KIF6: variants seen among roughly 807,000 people sequenced by gnomAD.
The protein encoded by KIF6 is kinesin family member 6.
KIF6 carries 106 observed loss-of-function variants against 112.7 expected under a neutral mutation model. That is an observed-to-expected ratio of 0.94 (90% CI 0.80 to 1.11). The LOEUF (loss-of-function observed/expected upper bound fraction) is 1.11, where lower values mean the gene tolerates loss of function less well. Among genes scored for constraint, KIF6 ranks in the 50% least tolerant of loss-of-function variants. The pLI is 0.00. For missense variants in KIF6, 929 were observed against 964.0 expected, an observed-to-expected ratio of 0.96 and a Z score of 0.48; for synonymous variants, 339 against 339.9, an observed-to-expected ratio of 1.00 and a Z score of 0.03.
chr6:39,450,722 C>T (rs1772643709), intron 13 of KIF6, among the ~76,000 whole-genome samples: 1 of 152,126 alleles, frequency 6.6e-6, no homozygotes, highest in East Asian at 1.9e-4. Flanking sequence ...GGAAGATTGC[C>T]TGAGCCCGGG....
At chr6:39,677,660 C>G (rs1006018062) in intron 3 of KIF6, among the ~76,000 whole-genome samples, 1 of 135,450 alleles carries the variant, frequency 7.4e-6, no homozygotes, top group Non-Finnish European at 1.6e-5. Context: ...TTAGGTATAT[C>G]TCCCAATGCT....
At chr6:39,563,332 T>G (rs947190949) in intron 10 of KIF6, among the ~76,000 whole-genome samples, 1 of 152,178 alleles carries the variant, frequency 6.6e-6, no homozygotes, top group Admixed American at 6.5e-5. Flanking sequence ...TTTCCAGACT[T>G]GTTTGTAAAC....
chr6:39,656,302 G>A (rs976521179), intron 3 of KIF6, among the ~76,000 whole-genome samples: 1 of 152,090 alleles, frequency 6.6e-6, no homozygotes, highest in Admixed American at 6.6e-5. Context: ...GATTATGTGT[G>A]CTACCTACCT....
At chr6:39,495,640 T>G (rs899624653) in intron 13 of KIF6, among the ~76,000 whole-genome samples, 4 of 152,170 alleles carry the variant, frequency 2.6e-5, no homozygotes, top group African/African-American at 9.7e-5. Flanking sequence ...AATGATGGAT[T>G]AAACAAAACA....
chr6:39,363,600 C>G (rs998372383), intron 16 of KIF6, among the ~76,000 whole-genome samples: 1 of 152,204 alleles, frequency 6.6e-6, no homozygotes, highest in Non-Finnish European at 1.5e-5. Context: ...GGTTGCCCTG[C>G]TTTTCTGAGC....
chr6:39,608,072 C>T (rs1782991933), intron 6 of KIF6, among the ~76,000 whole-genome samples: 1 of 152,134 alleles, frequency 6.6e-6, no homozygotes, highest in Admixed American at 6.5e-5. Context: ...CTATAACTCA[C>T]ATAAACCTAT....
At chr6:39,428,132 T>C (rs1412489979) in intron 14 of KIF6, among the ~76,000 whole-genome samples, 1 of 152,244 alleles carries the variant, frequency 6.6e-6, no homozygotes, top group Non-Finnish European at 1.5e-5. Flanking sequence ...TACATGCTAC[T>C]GGAATCTGCT....
intron 11 of KIF6, among the ~76,000 whole-genome samples, chr6:39,545,378 C>G (rs1263558058): frequency 6.6e-6 from 1 of 152,104 alleles, no homozygotes; most frequent in Non-Finnish European, 1.5e-5. Flanking sequence ...ATTAGAAGTC[C>G]ATGGCCTGAG....
chr6:39,618,299 C>T (rs551335842), intron 5 of KIF6, among the ~76,000 whole-genome samples: 1 of 152,236 alleles, frequency 6.6e-6, no homozygotes, highest in South Asian at 2.1e-4. Context: ...TATCTAACAT[C>T]ATATCTTTTC....
intron 16 of KIF6, among the ~76,000 whole-genome samples, chr6:39,379,385 A>G (rs1462706122): frequency 6.6e-6 from 1 of 152,238 alleles, no homozygotes; most frequent in African/African-American, 2.4e-5. Flanking sequence ...GGAAGCATTC[A>G]TCTGGCCATT....
chr6:39,556,551 C>T (rs1415604497), intron 10 of KIF6, among the ~76,000 whole-genome samples: 1 of 152,130 alleles, frequency 6.6e-6, no homozygotes, highest in Admixed American at 6.5e-5. Flanking sequence ...AAATCTGAGA[C>T]TGTTGAGAAG....
chr6:39,685,676 C>T (rs910438704), intron 3 of KIF6, among the ~76,000 whole-genome samples: 4 of 152,222 alleles, frequency 2.6e-5, no homozygotes, highest in South Asian at 2.1e-4. Context: ...GGTGGATGAT[C>T]GAGTTTAACC....
At chr6:39,357,189 A>G in intron 19 of KIF6, 88 bp downstream of exon 19, 1 of 752,148 alleles carries the variant, frequency 1.3e-6, no homozygotes, top group Non-Finnish European at 2.3e-6. Flanking sequence ...GCTTATCAAG[A>G]GACATGAGAG....
At chr6:39,659,188 A>T (rs1785977963) in intron 3 of KIF6, among the ~76,000 whole-genome samples, 2 of 152,198 alleles carry the variant, frequency 1.3e-5, no homozygotes, top group South Asian at 4.1e-4. Flanking sequence ...TACCATAAAG[A>T]TGCATACAAT....
chr6:39,620,081 T>C (rs537452078), intron 5 of KIF6, among the ~76,000 whole-genome samples: 1 of 152,322 alleles, frequency 6.6e-6, no homozygotes, highest in South Asian at 2.1e-4. Flanking sequence ...GTGAATATTT[T>C]AGATAATCAA....
intron 5 of KIF6, among the ~76,000 whole-genome samples, chr6:39,631,867 A>T (rs990621509): frequency 6.6e-6 from 1 of 152,002 alleles, no homozygotes; most frequent in Non-Finnish European, 1.5e-5. Context: ...ATTTGGTAGA[A>T]TTTTCCAGTG....
In KIF6 at chr6:39,362,001, A is replaced by G. The variant is rs74911164; in HGVS notation, c.1946+433T>C. Reference sequence around the variant, plus strand: ...GAGCAAGATTCGGTGACCATGCTGTATATCAGGAATGGCTACATGCCTGTT... The same window carrying G: ...GAGCAAGATTCGGTGACCATGCTGTGTATCAGGAATGGCTACATGCCTGTT... On this transcript the variant is annotated intron_variant, in intron 17 of 22. Coordinates refer to ENST00000287152, the MANE Select transcript of KIF6 (RefSeq NM_145027.6). Among the ~76,000 whole-genome samples, 30 of 152,322 alleles carry G rather than the reference A, an allele frequency of 2.0e-4. No homozygotes were observed. The East Asian group carries it at 5.6e-3, about 28-fold the overall frequency.
At chr6:39,606,912 C>T (rs1437461628) in intron 6 of KIF6, among the ~76,000 whole-genome samples, 1 of 152,176 alleles carries the variant, frequency 6.6e-6, no homozygotes, top group Non-Finnish European at 1.5e-5. Flanking sequence ...CTCTATCCTG[C>T]CTGAGGTTGG....
chr6:39,512,600 C>A (rs1299323270), intron 13 of KIF6, among the ~76,000 whole-genome samples: 1 of 152,148 alleles, frequency 6.6e-6, no homozygotes, highest in Non-Finnish European at 1.5e-5. Context: ...TCCCTTACTC[C>A]CTCTATGCTG....
Sources: gnomAD v4.1 joint callset for allele counts (sites outside exome capture counted in the v4.1 genomes callset) on GRCh38, gnomAD v4.1.1 for gene constraint, MANE v1.5 for transcripts, NCBI Gene and HGNC (gene_info 2026-07-23, HGNC 2026-07-21) for gene names.